Variants in KCNMA1 observed in about 807,000 individuals in gnomAD.
KCNMA1 encodes potassium calcium-activated channel subfamily M alpha 1.
Under a neutral mutation model 140.0 loss-of-function variants are expected in KCNMA1, and 29 were observed. That is an observed-to-expected ratio of 0.21 (90% CI 0.15 to 0.28). KCNMA1 has a LOEUF of 0.28. KCNMA1 is among the 10% of genes least tolerant of loss of function. The probability of loss-of-function intolerance (pLI) is 1.00; values close to 1 mark genes in which losing one functional copy is unlikely to be tolerated. For missense variants in KCNMA1, 880 were observed against 1,602.2 expected, an observed-to-expected ratio of 0.55 and a Z score of 7.70; for synonymous variants, 612 against 611.9, an observed-to-expected ratio of 1.00 and a Z score of 0.00.
rs1360705981 is a variant in KCNMA1 at position 77,112,454 on chromosome 10, A to T, written c.885-12T>A. On this transcript the variant is annotated splice_polypyrimidine_tract_variant and intron_variant, in intron 6 of 27. Transcript: ENST00000286628. ...GCTTGATGGAATTACTGTGCAAGAG[A>T]CAACAAGCAAAATCCCCACGTTACC... 3 of 1,609,314 alleles carry T rather than the reference A, an allele frequency of 1.9e-6. No homozygotes were observed. Among genetic ancestry groups the T allele is most frequent in the Non-Finnish European group, 2.6e-6 (3 of 1,175,876 alleles).
intron 24 of KCNMA1, 126 bp downstream of exon 24, chr10:76,914,810 C>T (rs2052044869): frequency 2.7e-6 from 2 of 740,060 alleles, no homozygotes; most frequent in Non-Finnish European, 2.5e-6. Flanking sequence ...CCTCCCAGCC[C>T]CCTCAAAACA....
intron 14 of KCNMA1, among the ~76,000 whole-genome samples, chr10:77,066,132 T>A (rs74811784): frequency 6.6e-6 from 1 of 152,180 alleles, no homozygotes; most frequent in Non-Finnish European, 1.5e-5. Flanking sequence ...ATCTGATTCA[T>A]GCTTGAGAAG....
At chr10:77,404,077 C>T in intron 1 of KCNMA1, 54 bp from the exon 2 acceptor site, 1 of 1,579,882 alleles carries the variant, frequency 6.3e-7, no homozygotes, top group Non-Finnish European at 8.7e-7. Context: ...ATTTAAATAA[C>T]ATGCTCTACC....
At chr10:76,979,487 C>T (rs2078760916) in intron 19 of KCNMA1, 1 of 152,068 alleles carries the variant, frequency 6.6e-6, no homozygotes, top group South Asian at 2.1e-4. Flanking sequence ...TCCCCCCACC[C>T]CCAAACAGGT....
intron 26 of KCNMA1, chr10:76,889,855 C>T (rs960053625): frequency 2.2e-6 from 1 of 456,114 alleles, no homozygotes; most frequent in Admixed American, 3.4e-5. Flanking sequence ...TATGCTTCTC[C>T]CTCACTTTAA....
intron 1 of KCNMA1, among the ~76,000 whole-genome samples, chr10:77,550,337 C>A (rs2062476240): frequency 1.3e-5 from 2 of 152,172 alleles, no homozygotes; most frequent in Admixed American, 1.3e-4. Context: ...GTAGACTTCC[C>A]CATGTTTGGT....
At chr10:76,985,661 G>A (rs1023566183) in intron 19 of KCNMA1, among the ~76,000 whole-genome samples, 7 of 152,234 alleles carry the variant, frequency 4.6e-5, no homozygotes, top group African/African-American at 7.2e-5. Flanking sequence ...TCACACAAAC[G>A]CGATAGCAAA....
chr10:76,959,315 C>T (rs2069890756), intron 20 of KCNMA1, among the ~76,000 whole-genome samples: 1 of 152,210 alleles, frequency 6.6e-6, no homozygotes. Context: ...CCACTAAGGG[C>T]AGGAAACCAC....
chr10:77,503,886 A>C (rs2044815121), intron 1 of KCNMA1, among the ~76,000 whole-genome samples: 1 of 152,200 alleles, frequency 6.6e-6, no homozygotes, highest in Non-Finnish European at 1.5e-5. Context: ...ACACTGTGCG[A>C]CATCTTACCT....
intron 2 of KCNMA1, among the ~76,000 whole-genome samples, chr10:77,385,774 G>C: frequency 6.6e-6 from 1 of 152,180 alleles, no homozygotes; most frequent in East Asian, 1.9e-4. Context: ...TGAAGTGTTT[G>C]GGCTTTAGAC....
At chr10:77,525,806 C>A (rs957770241) in intron 1 of KCNMA1, among the ~76,000 whole-genome samples, 40 of 152,316 alleles carry the variant, frequency 2.6e-4, no homozygotes, top group African/African-American at 8.9e-4. Context: ...ATGGCCCCAT[C>A]TTGTCCAGGT....
At chr10:77,393,834 G>T (rs2095931979) in intron 2 of KCNMA1, among the ~76,000 whole-genome samples, 1 of 152,248 alleles carries the variant, frequency 6.6e-6, no homozygotes, top group Non-Finnish European at 1.5e-5. Flanking sequence ...AAGGGGCAGG[G>T]TTTCTCACTC....
chr10:77,169,562 T>A (rs573830337), intron 5 of KCNMA1, among the ~76,000 whole-genome samples: 196 of 151,998 alleles, frequency 1.3e-3, no homozygotes, highest in Admixed American at 3.1e-3. Context: ...GCTAATTTTT[T>A]AAAAAAATTT....
intron 2 of KCNMA1, among the ~76,000 whole-genome samples, chr10:77,375,768 G>A (rs2095057359): frequency 6.6e-6 from 1 of 152,208 alleles, no homozygotes; most frequent in Non-Finnish European, 1.5e-5. Flanking sequence ...GCCCTTCAGG[G>A]GCAGCCCACC....
At chr10:77,117,539 CAAAAAAAA>C (rs56926398) in intron 6 of KCNMA1, among the ~76,000 whole-genome samples, 10 of 22,514 alleles carry the variant, frequency 4.4e-4, no homozygotes, top group East Asian at 1.6e-3. Context: ...GAGTCTATCT[CAAAAAAAA>C]AAAAAAAAAA....
intron 1 of KCNMA1, among the ~76,000 whole-genome samples, chr10:77,528,650 C>T (rs1027202977): frequency 5.7e-5 from 8 of 140,002 alleles, no homozygotes; most frequent in African/African-American, 1.5e-4. Flanking sequence ...AACAAAAGCT[C>T]GTACACAAGT....
At chr10:77,001,202 G>A (rs868193098) in intron 19 of KCNMA1, among the ~76,000 whole-genome samples, 11 of 152,064 alleles carry the variant, frequency 7.2e-5, no homozygotes, top group African/African-American at 2.4e-4. Flanking sequence ...TACGAGAAGC[G>A]TAAGTTAAGA....
intron 9 of KCNMA1, among the ~76,000 whole-genome samples, chr10:77,106,651 G>T (rs185251946): frequency 6.6e-6 from 1 of 152,180 alleles, no homozygotes; most frequent in Non-Finnish European, 1.5e-5. Context: ...TGGCGGAGAC[G>T]TCAGAAGATA....
intron 3 of KCNMA1, among the ~76,000 whole-genome samples, chr10:77,207,338 G>A (rs1328900323): frequency 6.6e-6 from 1 of 152,126 alleles, no homozygotes; most frequent in Non-Finnish European, 1.5e-5. Context: ...TTAAGAAAAT[G>A]GACTCTGGAT....
Sources: gnomAD v4.1 joint callset for allele counts (sites outside exome capture counted in the v4.1 genomes callset) on GRCh38, gnomAD v4.1.1 for gene constraint, MANE v1.5 for transcripts, NCBI Gene and HGNC (gene_info 2026-07-23, HGNC 2026-07-21) for gene names.